NR6A1: variants seen among roughly 807,000 people sequenced by gnomAD.
NR6A1 encodes retinoic acid receptor-related testis-associated receptor.
NR6A1 carries 7 observed loss-of-function variants against 59.1 expected under a neutral mutation model. The observed-to-expected ratio is 0.12, with a 90% CI of 0.07 to 0.22. The LOEUF (loss-of-function observed/expected upper bound fraction) is 0.22. Ranked by LOEUF, NR6A1 falls within the 10% of genes least tolerant of loss-of-function variation. The pLI, the probability that NR6A1 is intolerant of heterozygous loss-of-function variation, is 1.00. For synonymous variants in NR6A1, 243 were observed against 236.1 expected (o/e 1.03, Z -0.27); for missense variants, 468 against 611.6 (o/e 0.77, Z 2.48).
At chr9:124,635,653 T>C (rs1836587544) in intron 2 of NR6A1, among the ~76,000 whole-genome samples, 1 of 152,250 alleles carries the variant, frequency 6.6e-6, no homozygotes, top group East Asian at 1.9e-4. Flanking sequence ...TTCTTTCACT[T>C]AGTAATATGC....
chr9:124,624,541 A>T (rs987869024), intron 2 of NR6A1, among the ~76,000 whole-genome samples: 1 of 152,212 alleles, frequency 6.6e-6, no homozygotes, highest in African/African-American at 2.4e-5. Flanking sequence ...TAGCCTGAGA[A>T]TGTGCAGAGA....
In NR6A1 at chr9:124,754,950, T is replaced by C. The variant is rs1282736908; in HGVS notation, c.100+16070A>G. 2.0e-5 allele frequency among the ~76,000 whole-genome samples: 3 copies of C among 151,990 alleles called. No individual in the cohort carries two copies. The East Asian group carries it at 5.8e-4, about 29-fold the overall frequency. On this transcript the variant is annotated intron_variant, in intron 1 of 9. Transcript: ENST00000487099. ...CCCAGTATCTCCACCCCCCTTCCAC[T>C]CAACTGTCAAAAAAATACATTAAAA...
At position 124,646,323 on chromosome 9, in the gene NR6A1, G is replaced by T. The variant is rs117053643; in HGVS notation, c.142+86985C>A. On this transcript the variant is annotated intron_variant, in intron 2 of 9. Coordinates refer to ENST00000487099, the MANE Select transcript of NR6A1 (RefSeq NM_033334.4). ...ACAAAACCAAAAATCAACAAAAGCT[G>T]GTTCTTTGAAAAGATCAATAAAATC... 5.8e-3 allele frequency among the ~76,000 whole-genome samples: 884 copies of T among 152,122 alleles called. 7 individuals are homozygous for T. Among genetic ancestry groups the T allele is most frequent in the South Asian group, 8.7e-3 (42 of 4,818 alleles).
chr9:124,574,905 G>A (rs1301940128), intron 2 of NR6A1, among the ~76,000 whole-genome samples: 1 of 152,132 alleles, frequency 6.6e-6, no homozygotes, highest in African/African-American at 2.4e-5. Context: ...AAAGATAATG[G>A]GTTAATATTA....
rs1301227354 is a variant in NR6A1 at position 124,520,799 on chromosome 9, A to G, written c.*1906T>C. On this transcript the variant is annotated 3_prime_UTR_variant, in exon 10 of 10. Coordinates refer to ENST00000487099, the MANE Select transcript of NR6A1 (RefSeq NM_033334.4). ...AACAGATACACACGAACACACAAGA[A>G]TCTTCCCACTGACGTGAAAAACATG... 1 of 152,210 alleles carries G rather than the reference A, an allele frequency of 6.6e-6. No individual in the cohort carries two copies. Among genetic ancestry groups the G allele is most frequent in the East Asian group, 1.9e-4 (1 of 5,200 alleles). The allele number at this position is 152,210 out of a possible 1,614,324, so 9.4% of individuals were successfully genotyped here. A position where few individuals can be genotyped will look rare whatever the true frequency, so the allele number is the denominator to read the frequency against.
intron 1 of NR6A1, among the ~76,000 whole-genome samples, chr9:124,737,770 G>A (rs1157708935): frequency 2.0e-5 from 3 of 152,168 alleles, no homozygotes; most frequent in Admixed American, 6.5e-5. Flanking sequence ...GGAGGCTGAG[G>A]CAGAAGAATC....
chr9:124,612,310 T>C (rs1588709050), intron 2 of NR6A1, among the ~76,000 whole-genome samples: 1 of 152,132 alleles, frequency 6.6e-6, no homozygotes, highest in Middle Eastern at 3.2e-3. Flanking sequence ...ACAAGACTTA[T>C]GCAGACCCTC....
intron 2 of NR6A1, among the ~76,000 whole-genome samples, chr9:124,585,781 G>A (rs1020654854): frequency 6.6e-6 from 1 of 152,076 alleles, no homozygotes; most frequent in Non-Finnish European, 1.5e-5. Flanking sequence ...AGCTAATGCA[G>A]CTGGTGACTT....
At chr9:124,759,438 C>G (rs1840726847) in intron 1 of NR6A1, among the ~76,000 whole-genome samples, 1 of 152,152 alleles carries the variant, frequency 6.6e-6, no homozygotes, top group Non-Finnish European at 1.5e-5. Context: ...AAACACACTG[C>G]TTGACTTAGA....
chr9:124,688,898 T>C (rs75513605), intron 2 of NR6A1, among the ~76,000 whole-genome samples: 1,581 of 152,336 alleles, frequency 0.01, 35 homozygotes, highest in African/African-American at 0.037. Flanking sequence ...GAGTTTTAAA[T>C]AATGTTATCT....
Position 124,645,828 on chromosome 9 carries a change from C to T in NR6A1, c.142+87480G>A, listed in dbSNP as rs1836914914. On this transcript the variant is annotated intron_variant, in intron 2 of 9. Coordinates refer to ENST00000487099, the MANE Select transcript of NR6A1 (RefSeq NM_033334.4). ...CAATAGCAGCAGATTTCACATTCTT[C>T]TCAAGTTGACATGAAACATTTACCA... 2.6e-5 allele frequency among the ~76,000 whole-genome samples: 4 copies of T among 152,154 alleles called. No homozygotes were observed. The South Asian group carries it at 8.3e-4, about 32-fold the overall frequency.
chr9:124,605,227 T>A (rs1271509003), intron 2 of NR6A1, among the ~76,000 whole-genome samples: 1 of 152,226 alleles, frequency 6.6e-6, no homozygotes, highest in East Asian at 1.9e-4. Flanking sequence ...ATCGGCAATA[T>A]CTGGGTGTGG....
chr9:124,646,361 G>A (rs1054771804), intron 2 of NR6A1, among the ~76,000 whole-genome samples: 26 of 152,042 alleles, frequency 1.7e-4, no homozygotes, highest in Non-Finnish European at 2.6e-4. Flanking sequence ...TAAGCCTCTA[G>A]CAAGGCTAAC....
chr9:124,768,299 A>T (rs1185491121), intron 1 of NR6A1, among the ~76,000 whole-genome samples: 1 of 152,196 alleles, frequency 6.6e-6, no homozygotes, highest in Non-Finnish European at 1.5e-5. Context: ...CAGATAATTC[A>T]TTTCTTTTCT....
intron 2 of NR6A1, among the ~76,000 whole-genome samples, chr9:124,680,489 G>A (rs922291861): frequency 1.3e-5 from 2 of 152,094 alleles, no homozygotes; most frequent in African/African-American, 4.8e-5. Context: ...CAAAAAAAAC[G>A]GAGTGTACAA....
intron 2 of NR6A1, among the ~76,000 whole-genome samples, chr9:124,689,395 A>C (rs893636312): frequency 1.5e-5 from 2 of 130,000 alleles, no homozygotes; most frequent in Non-Finnish European, 3.2e-5. Flanking sequence ...AAATTTTTTA[A>C]CTATGGTCAT....
Position 124,630,670 on chromosome 9 carries a change from CTTTTTTTTTT to C in NR6A1, c.143-76110_143-76101del, listed in dbSNP as rs71372980. On this transcript the variant is annotated intron_variant, in intron 2 of 9. Transcript: ENST00000487099. ...GACCCCTGGGCAAGTTACTACATTT[CTTTTTTTTTT>C]TTTTTTTTTTTTTTTGAGACAGAGT... is the stretch of plus-strand genomic sequence containing the variant. Among the ~76,000 whole-genome samples the C allele has an allele frequency of 9.3e-3, 556 of 59,552 alleles. 7 individuals carry two copies. Among genetic ancestry groups the C allele is most frequent in the African/African-American group, 0.037 (515 of 13,898 alleles). The allele number at this position is 59,552 out of a possible 152,430, so 39.1% of individuals were successfully genotyped here.
At chr9:124,558,212 C>T (rs1232818210) in intron 2 of NR6A1, among the ~76,000 whole-genome samples, 1 of 152,134 alleles carries the variant, frequency 6.6e-6, no homozygotes, top group Admixed American at 6.5e-5. Flanking sequence ...AAATATAGAC[C>T]TGTTAAGAAC....
At chr9:124,693,945 T>A (rs1838656694) in intron 2 of NR6A1, 2 of 301,410 alleles carry the variant, frequency 6.6e-6, no homozygotes, top group Non-Finnish European at 1.4e-5. Flanking sequence ...TCTAAATTCC[T>A]AGTACTTTTC....
Sources: gnomAD v4.1 joint callset for allele counts (sites outside exome capture counted in the v4.1 genomes callset) on GRCh38, gnomAD v4.1.1 for gene constraint, MANE v1.5 for transcripts, NCBI Gene and HGNC (gene_info 2026-07-23, HGNC 2026-07-21) for gene names.